EYS: variants seen among roughly 807,000 people sequenced by gnomAD.
EYS encodes protein eyes shut homolog.
EYS carries 250 observed loss-of-function variants against 282.1 expected under a neutral mutation model. That is an observed-to-expected ratio of 0.89 (90% CI 0.80 to 0.98). The LOEUF is 0.98. EYS is among the 50% of genes least tolerant of loss of function. The pLI is 0.00. For synonymous variants in EYS, 1,355 were observed against 1,282.9 expected (o/e 1.06, Z -1.20); for missense variants, 4,016 against 3,709.0 (o/e 1.08, Z -2.15).
At chr6:64,584,280 T>G (rs1766161458) in intron 26 of EYS, among the ~76,000 whole-genome samples, 3 of 152,048 alleles carry the variant, frequency 2.0e-5, no homozygotes, top group African/African-American at 4.8e-5. Context: ...TATACATGTA[T>G]TTAGAATAGG....
chr6:65,194,118 T>A (rs1337056465), intron 12 of EYS, among the ~76,000 whole-genome samples: 1 of 151,962 alleles, frequency 6.6e-6, no homozygotes, highest in Non-Finnish European at 1.5e-5. Context: ...TAAATAAAAA[T>A]AAATTCCTGT....
At chr6:63,853,766 G>A (rs917069261) in intron 36 of EYS, among the ~76,000 whole-genome samples, 3 of 152,054 alleles carry the variant, frequency 2.0e-5, no homozygotes, top group Non-Finnish European at 4.4e-5. Context: ...AAACAGCATG[G>A]TACTGGTACC....
chr6:64,311,130 G>C (rs1197315150), intron 29 of EYS, among the ~76,000 whole-genome samples: 1 of 152,024 alleles, frequency 6.6e-6, no homozygotes, highest in African/African-American at 2.4e-5. Flanking sequence ...CTGAACTCAA[G>C]TACTGAGCCT....
At chr6:64,955,202 CAA>C (rs113187061) in intron 14 of EYS, among the ~76,000 whole-genome samples, 342 of 146,672 alleles carry the variant, frequency 2.3e-3, no homozygotes, top group African/African-American at 8.1e-3. Flanking sequence ...AAACAACCAA[CAA>C]AAAAAAAATC....
intron 28 of EYS, among the ~76,000 whole-genome samples, chr6:64,403,654 C>G (rs114987558): frequency 8.5e-4 from 129 of 152,074 alleles, no homozygotes; most frequent in African/African-American, 2.9e-3. Context: ...ACTGTGCCCA[C>G]CCTGAAAGTA....
At chr6:64,193,762 G>A (rs1765190151) in intron 31 of EYS, among the ~76,000 whole-genome samples, 1 of 151,968 alleles carries the variant, frequency 6.6e-6, no homozygotes, top group Non-Finnish European at 1.5e-5. Context: ...CTGGTTTTCT[G>A]TCCTTGCGTT....
chr6:65,459,621 G>T (rs2150408433), intron 5 of EYS, among the ~76,000 whole-genome samples: 1 of 149,598 alleles, frequency 6.7e-6, no homozygotes, highest in Middle Eastern at 3.5e-3. Flanking sequence ...AAGGCAAGAA[G>T]TGCCTGACAC....
chr6:64,657,422 A>G lies in EYS; in HGVS notation c.3444-31177T>C, dbSNP rs1053829382. Among the ~76,000 whole-genome samples, 66 of 152,246 alleles carry G rather than the reference A, an allele frequency of 4.3e-4. 1 individual carries two copies. Among genetic ancestry groups the G allele is most frequent in the African/African-American group, 1.5e-3 (63 of 41,546 alleles). ...ATGATGTTAGCTGGTTATTTTGCTC[A>G]TTAGTTGATGCAGTTTCTTCCTAGC... On this transcript the variant is annotated intron_variant, in intron 22 of 42. Coordinates refer to ENST00000503581, the MANE Select transcript of EYS (RefSeq NM_001142800.2).
chr6:65,281,372 T>A (rs961229918), intron 12 of EYS, among the ~76,000 whole-genome samples: 18 of 152,184 alleles, frequency 1.2e-4, no homozygotes, highest in Non-Finnish European at 2.4e-4. Flanking sequence ...AATAATTTCC[T>A]TTTATAACTC....
chr6:65,690,130 T>A (rs1769187158), intron 1 of EYS, among the ~76,000 whole-genome samples: 2 of 150,092 alleles, frequency 1.3e-5, no homozygotes, highest in South Asian at 4.3e-4. Flanking sequence ...GAATTTACAA[T>A]ATAGTGTGTG....
rs181863820 is a variant in EYS, at chr6:65,649,433, G to A, written c.-447-9541C>T. Among the ~76,000 whole-genome samples, 61 of 152,086 alleles carry A rather than the reference G, an allele frequency of 4.0e-4. 1 individual carries two copies. The East Asian group carries it at 0.011, about 27-fold the overall frequency. On this transcript the variant is annotated intron_variant, in intron 1 of 42. Coordinates refer to ENST00000503581, the MANE Select transcript of EYS (RefSeq NM_001142800.2). ...TTTGTAATAACTGAAACTAAAAGAA[G>A]CTGATTACTAAGAATATAATGAACC...
chr6:65,040,813 T>C (rs911106214), intron 13 of EYS, among the ~76,000 whole-genome samples: 2 of 151,698 alleles, frequency 1.3e-5, no homozygotes, highest in African/African-American at 4.8e-5. Flanking sequence ...AGAAGAGTGT[T>C]TGACCAATCC....
chr6:64,514,734 A>G (rs545678756), intron 26 of EYS, among the ~76,000 whole-genome samples: 1 of 151,918 alleles, frequency 6.6e-6, no homozygotes, highest in Admixed American at 6.6e-5. Context: ...GTTCAACCTA[A>G]CCCTGTCTAA....
At chr6:64,129,949 G>C (rs1185824627) in intron 31 of EYS, among the ~76,000 whole-genome samples, 2 of 152,050 alleles carry the variant, frequency 1.3e-5, no homozygotes, top group East Asian at 1.9e-4. Flanking sequence ...TAGATATGTG[G>C]CATTATTTCT....
At chr6:65,496,039 G>A (rs543778503) in intron 2 of EYS, 46 bp from the exon 3 acceptor site, 1 of 152,276 alleles carries the variant, frequency 6.6e-6, no homozygotes, top group African/African-American at 2.4e-5. Flanking sequence ...TATTTTTCAT[G>A]TAATATTTTA....
At chr6:65,593,481 T>C (rs1765300992) in intron 2 of EYS, among the ~76,000 whole-genome samples, 1 of 152,016 alleles carries the variant, frequency 6.6e-6, no homozygotes, top group African/African-American at 2.4e-5. Context: ...CACCTTGAAA[T>C]AGTAAATACA....
intron 26 of EYS, among the ~76,000 whole-genome samples, chr6:64,576,499 A>C (rs1306537485): frequency 1.3e-5 from 2 of 152,044 alleles, no homozygotes; most frequent in African/African-American, 4.8e-5. Flanking sequence ...GAAAAATACC[A>C]AACGAACATG....
At chr6:65,372,613 A>C (rs1354335339) in intron 8 of EYS, among the ~76,000 whole-genome samples, 1 of 152,048 alleles carries the variant, frequency 6.6e-6, no homozygotes, top group Non-Finnish European at 1.5e-5. Flanking sequence ...TGGTGATTAG[A>C]AACCTAACAC....
At chr6:64,598,718 T>C (rs1170039408) in intron 24 of EYS, among the ~76,000 whole-genome samples, 2 of 152,210 alleles carry the variant, frequency 1.3e-5, no homozygotes, top group East Asian at 1.9e-4. Flanking sequence ...GTTGTAATTG[T>C]TGGAAATGAG....
Sources: allele counts gnomAD v4.1 joint callset (sites outside exome capture counted in the v4.1 genomes callset), GRCh38; gene constraint gnomAD v4.1.1; transcripts MANE v1.5; gene names NCBI Gene and HGNC (gene_info 2026-07-23, HGNC 2026-07-21).